Variants in MACF1 observed in about 807,000 individuals in gnomAD.
The protein encoded by MACF1 is microtubule-actin cross-linking factor 1.
In MACF1, 193 loss-of-function variants were observed where a neutral mutation model predicts 854.8. The observed-to-expected ratio is 0.23, with a 90% CI of 0.20 to 0.25. The LOEUF is 0.25. Among genes scored for constraint, MACF1 ranks in the 10% least tolerant of loss-of-function variants. The pLI is 1.00. For missense variants in MACF1, 7,722 were observed against 8,929.1 expected (o/e 0.86, Z 5.45); for synonymous variants, 3,185 against 3,226.7 (o/e 0.99, Z 0.44).
rs1644679370 is a variant in MACF1, at chr1:39,223,572, TG to T, written c.110-7608del. Among the ~76,000 whole-genome samples the T allele has an allele frequency of 3.9e-5, 6 of 152,018 alleles. No individual in the cohort carries two copies. In the South Asian group the frequency reaches 1.2e-3, roughly 32 times the overall value. On this transcript the variant is annotated intron_variant, in intron 1 of 100. Coordinates refer to ENST00000564288, the MANE Select transcript of MACF1 (RefSeq NM_001394062.1). ...TGTCATCTAGGCAGGAGGAGTTCAGTGGTGCCATCTTGGCTCACTGTGACCT... is the reference window on the plus strand; with the variant it reads ...TGTCATCTAGGCAGGAGGAGTTCAGTGTGCCATCTTGGCTCACTGTGACCT...
At chr1:39,156,042 C>T (rs572429911) in intron 2 of MACF1, among the ~76,000 whole-genome samples, 102 of 152,306 alleles carry the variant, frequency 6.7e-4, no homozygotes, top group African/African-American at 2.2e-3. Flanking sequence ...CGCCCGCCAC[C>T]GCACCCAGCT....
In MACF1 at chr1:39,123,565, G is replaced by T. The variant is rs143567212; in HGVS notation, c.220+39127G>T. On this transcript the variant is annotated intron_variant, in intron 2 of 93. Transcript: ENST00000361689. ...GTGATTTTTTTTTTCTTGAGGCAGA[G>T]TCTTACTCTGTCACCCAGCCTGGAG... 2.3e-3 allele frequency among the ~76,000 whole-genome samples: 350 copies of T among 151,256 alleles called. 1 individual carries two copies. Among genetic ancestry groups the T allele is most frequent in the Non-Finnish European group, 3.8e-3 (256 of 67,792 alleles).
Position 39,324,675 on chromosome 1 carries a change from A to G in MACF1, c.4419A>G (p.Lys1473=). ...TGTCAGAAGAGCTGACAACAAAGAA[A>G]GAACAAGTCTCTGAAGCTATTAAAA... ...QVLSEELTTK[K]EQVSEAIKTS... The change falls in exon 35 of 101, where the codon AAA becomes AAG. Residue 1473 remains lysine (K), a synonymous_variant. Coordinates refer to ENST00000564288, the MANE Select transcript of MACF1 (RefSeq NM_001394062.1). 3 of 1,613,542 alleles carry G rather than the reference A, an allele frequency of 1.9e-6. No individual in the cohort carries two copies. The highest frequency in any genetic ancestry group is 2.5e-6 in the Non-Finnish European group (3 of 1,179,662).
chr1:39,416,487 TAAAAA>T (rs1461198015), intron 58 of MACF1, among the ~76,000 whole-genome samples: 1 of 104,264 alleles, frequency 9.6e-6, no homozygotes, highest in Non-Finnish European at 2.0e-5. Context: ...TCTGAGAAAA[TAAAAA>T]GAAAAAAAAA....
chr1:39,468,731 A>T lies in MACF1; in HGVS notation c.21888A>T (p.Arg7296=). 6.2e-7 allele frequency: 1 copy of T among 1,613,140 alleles called. No homozygotes were observed. Residue 7296 remains arginine, a splice_region_variant and synonymous_variant, in exon 96 of 101, where the codon CGA becomes CGT. Coordinates refer to ENST00000564288, the MANE Select transcript of MACF1 (RefSeq NM_001394062.1). ...TTTTAGTGAAAAATGATCCCTGCCGAGGTAAGGAACCATTCTAAGCATGAA... is the reference window on the plus strand; with the variant it reads ...TTTTAGTGAAAAATGATCCCTGCCGTGGTAAGGAACCATTCTAAGCATGAA... The part of the protein sequence containing the change: ...DEFLVKNDPC[R]VHHPGSKIKR...
At chr1:39,137,639 TATAGGC>T (rs1643211689) in intron 2 of MACF1, among the ~76,000 whole-genome samples, 1 of 152,274 alleles carries the variant, frequency 6.6e-6, no homozygotes, top group African/African-American at 2.4e-5. Context: ...GAGCTGGGAT[TATAGGC>T]ATGAGCCACT....
chr1:39,272,503 G>GT (rs1008795454), intron 6 of MACF1, among the ~76,000 whole-genome samples: 34 of 152,328 alleles, frequency 2.2e-4, no homozygotes, highest in African/African-American at 7.5e-4. Flanking sequence ...CAATTGAGTT[G>GT]TTTTTTGCTT....
At position 39,388,545 on chromosome 1, in the gene MACF1, A is replaced by G. The variant is rs1309296072; in HGVS notation, c.15703A>G (p.Arg5235Gly). 6.2e-7 allele frequency: 1 copy of G among 1,614,190 alleles called. No individual in the cohort carries two copies. The highest frequency in any genetic ancestry group is 1.3e-5 in the African/African-American group (1 of 75,036). ...ACTAGGCCGTGTAGAGGACTTCTAC[A>G]GGAAATTGAAAGGACTCAATGACGC... ...LTLGRVEDFY[R>G]KLKGLNDATT... The change falls in exon 58 of 101, where the codon AGG (arginine) becomes GGG (glycine). Residue 5235 changes from arginine (R) to glycine (G), a missense_variant. Physicochemically the swap from Arg to Gly is moderately radical, Grantham distance 125 (BLOSUM62 -2). This residue lies in a region of MACF1 where 2,807 missense variants were observed against 3,235.8 expected (regional missense o/e 0.87). Transcript: ENST00000564288.
intron 58 of MACF1, among the ~76,000 whole-genome samples, chr1:39,391,575 C>T (rs949486340): frequency 3.3e-5 from 5 of 152,216 alleles, no homozygotes; most frequent in African/African-American, 9.6e-5. Flanking sequence ...ATAAACAGGC[C>T]TGTTAAAATT....
rs889878268 is a variant in MACF1 at position 39,292,048 on chromosome 1, C to T, written c.1914+10C>T. The T allele has an allele frequency of 6.2e-7, 1 of 1,613,170 alleles. No homozygotes were observed. The highest frequency in any genetic ancestry group is 1.3e-5 in the African/African-American group (1 of 74,864). ...GGCCAGGTTGTATGAGGTGCGTAGC[C>T]TTCAGAATCCACATTACAGGAGGGA... On this transcript the variant is annotated intron_variant, in intron 16 of 100. Transcript: ENST00000564288.
At chr1:39,279,777 T>G (rs2148376113) in intron 6 of MACF1, among the ~76,000 whole-genome samples, 1 of 152,322 alleles carries the variant, frequency 6.6e-6, no homozygotes, top group South Asian at 2.1e-4. Flanking sequence ...TTACATGGTT[T>G]GCCTGAGGTC....
chr1:39,356,836 G>A (rs1352339717), intron 44 of MACF1, among the ~76,000 whole-genome samples: 7 of 152,112 alleles, frequency 4.6e-5, no homozygotes, highest in Admixed American at 3.9e-4. Flanking sequence ...GATATATAAC[G>A]TCTTTTTGGT....
chr1:39,230,156 G>C (rs534666085), intron 1 of MACF1, among the ~76,000 whole-genome samples: 1 of 152,172 alleles, frequency 6.6e-6, no homozygotes, highest in East Asian at 1.9e-4. Flanking sequence ...ACTGATAATG[G>C]TAAGTGCTAA....
Position 39,254,286 on chromosome 1 carries a change from G to A in MACF1, c.358-12G>A. 1 of 1,604,676 alleles carries A rather than the reference G, an allele frequency of 6.2e-7. No individual in the cohort carries two copies. The highest frequency in any genetic ancestry group is 8.5e-7 in the Non-Finnish European group (1 of 1,176,250). On this transcript the variant is annotated splice_polypyrimidine_tract_variant and intron_variant, in intron 4 of 100. Transcript: ENST00000564288. ...AGCCAGAATTAACATCCCTTTTTTT[G>A]TTTGTTTGCAGCCCCGGGAGAAGGG...
chr1:39,171,454 A>G (rs1394610265), intron 2 of MACF1, among the ~76,000 whole-genome samples: 2 of 152,076 alleles, frequency 1.3e-5, no homozygotes, highest in African/African-American at 2.4e-5. Flanking sequence ...ACCCCTGGCA[A>G]CCACTAATCA....
rs1484064291 is a variant in MACF1 at position 39,197,208 on chromosome 1, A to G, written c.221-33974A>G. ...AGTTCCCCTCTGCTTCTTCCTTCCAACATACATATATATAATAAATATAAA... is the reference window on the plus strand; with the variant it reads ...AGTTCCCCTCTGCTTCTTCCTTCCAGCATACATATATATAATAAATATAAA... On this transcript the variant is annotated intron_variant, in intron 2 of 93. Transcript: ENST00000361689. 5.9e-5 allele frequency among the ~76,000 whole-genome samples: 9 copies of G among 151,916 alleles called. No homozygotes were observed. In the East Asian group the frequency reaches 1.7e-3, roughly 29 times the overall value.
At position 39,360,796 on chromosome 1, in the gene MACF1, C is replaced by T. The variant is rs754451321; in HGVS notation, c.12248C>T (p.Ser4083Phe). 6.2e-7 allele frequency: 1 copy of T among 1,601,282 alleles called. No individual in the cohort carries two copies. Among genetic ancestry groups the T allele is most frequent in the Non-Finnish European group, 8.5e-7 (1 of 1,173,134 alleles). Residue 4083 changes from serine (S) to phenylalanine (F), a missense_variant, in exon 48 of 101, where the codon TCC becomes TTC. By Grantham distance (155) the Ser-to-Phe change is radical (BLOSUM62 -2). Transcript: ENST00000564288. ...TTTTCATGGCCTGATTTTTCAGATTCCATACTCAGCCACTTCCAAAGCCTC... is the reference window on the plus strand; with the variant it reads ...TTTTCATGGCCTGATTTTTCAGATTTCATACTCAGCCACTTCCAAAGCCTC... ...DHRHVQETTD[S>F]ILSHFQSLSY... is the part of the protein sequence containing the mutation.
chr1:39,252,785 A>G (rs776696834), intron 4 of MACF1, among the ~76,000 whole-genome samples: 3 of 152,212 alleles, frequency 2.0e-5, no homozygotes, highest in Non-Finnish European at 4.4e-5. Flanking sequence ...TTTTTCCTAA[A>G]CCTTTGACTG....
chr1:39,134,651 T>G (rs746100717), intron 2 of MACF1, among the ~76,000 whole-genome samples: 25 of 152,216 alleles, frequency 1.6e-4, no homozygotes, highest in Non-Finnish European at 3.2e-4. Flanking sequence ...ATAACCATCT[T>G]GCAGGGTTTT....
Sources: gnomAD v4.1 joint callset for allele counts (sites outside exome capture counted in the v4.1 genomes callset) on GRCh38, gnomAD v4.1.1 for gene constraint, gnomAD v4.1.1 regional missense constraint, MANE v1.5 for transcripts, NCBI Gene and HGNC (gene_info 2026-07-23, HGNC 2026-07-21) for gene names.